Variants in MTMR14 observed in about 807,000 individuals in gnomAD.
The protein encoded by MTMR14 is phosphatidylinositol-3,5-bisphosphate 3-phosphatase MTMR14.
In MTMR14, 48 loss-of-function variants were observed where a neutral mutation model predicts 86.3. The observed-to-expected ratio is 0.56, with a 90% confidence interval of 0.44 to 0.71. MTMR14 has a LOEUF of 0.71. MTMR14 is among the 30% of genes least tolerant of loss of function. The probability of loss-of-function intolerance (pLI) is 0.00; values close to 1 mark genes in which losing one functional copy is unlikely to be tolerated. For missense variants in MTMR14, 780 were observed against 834.6 expected (o/e 0.93, Z 0.81); for synonymous variants, 366 against 326.1 (o/e 1.12, Z -1.32).
At chr3:9,652,348 T>C (rs2047350043) in intron 1 of MTMR14, among the ~76,000 whole-genome samples, 1 of 152,190 alleles carries the variant, frequency 6.6e-6, no homozygotes, top group Admixed American at 6.5e-5. Flanking sequence ...AAATAAGTAA[T>C]TTTAGGGGGA....
rs1344626459 is a variant in MTMR14, at chr3:9,701,510, A to T, written c.1770-280A>T. 2.1e-6 allele frequency: 1 copy of T among 479,532 alleles called. No homozygotes were observed. Among genetic ancestry groups the T allele is most frequent in the Non-Finnish European group, 3.8e-6 (1 of 263,002 alleles). 29.7% of individuals were successfully genotyped at this position (479,532 alleles called of 1,614,324 possible). On this transcript the variant is annotated intron_variant, in intron 18 of 18. Coordinates refer to ENST00000296003, the MANE Select transcript of MTMR14 (RefSeq NM_001077525.3). This position sits in a 1 kb window ranked among gnomAD's most constrained non-coding sequence, Gnocchi z 4.2. ...GCATTCCAGCCTGGGCAATAGAGTG[A>T]GACCTTGTCTCAAGAAAAAAAAAAA...
At chr3:9,650,166 G>A (rs1336308591) in intron 1 of MTMR14, among the ~76,000 whole-genome samples, 2 of 152,144 alleles carry the variant, frequency 1.3e-5, no homozygotes, top group Non-Finnish European at 2.9e-5. Flanking sequence ...GGAGCCAGGA[G>A]GTGAACCCAG....
chr3:9,653,221 C>T (rs1385495442), intron 1 of MTMR14, among the ~76,000 whole-genome samples: 1 of 152,142 alleles, frequency 6.6e-6, no homozygotes, highest in Non-Finnish European at 1.5e-5. Flanking sequence ...GGCGACAGAG[C>T]GAGACTCCGT....
intron 18 of MTMR14, among the ~76,000 whole-genome samples, chr3:9,698,861 G>A (rs1484868036): frequency 2.0e-5 from 3 of 151,702 alleles, no homozygotes; most frequent in East Asian, 3.9e-4. Flanking sequence ...TTAGATGTTC[G>A]AAGGCTTAAA....
chr3:9,649,512 A>G lies in MTMR14; in HGVS notation c.-72A>G, dbSNP rs1403762153. The G allele has an allele frequency of 8.8e-6, 13 of 1,481,764 alleles. No homozygotes were observed. The highest frequency in any genetic ancestry group is 4.8e-5 in the Admixed American group (2 of 41,570). 91.8% of individuals were successfully genotyped at this position (1,481,764 alleles called of 1,614,324 possible). On this transcript the variant is annotated 5_prime_UTR_variant, in exon 1 of 19. Transcript: ENST00000296003. ...TGGCTGAGGCGGTTCCGGAGGTTCT[A>G]GTGTCGGAGTTGGGTGCAGGCAGGT... is the stretch of plus-strand genomic sequence containing the variant.
At chr3:9,679,696 T>G (rs2075696528) in intron 9 of MTMR14, among the ~76,000 whole-genome samples, 1 of 152,208 alleles carries the variant, frequency 6.6e-6, no homozygotes, top group Admixed American at 6.5e-5. Flanking sequence ...GTGTTGGCAG[T>G]ACCTATTTCA....
chr3:9,671,611 A>G (rs944926778), intron 6 of MTMR14, among the ~76,000 whole-genome samples: 3 of 152,284 alleles, frequency 2.0e-5, no homozygotes, highest in South Asian at 2.1e-4. Context: ...TCAGCTTCCC[A>G]AAGTGCTGGG....
chr3:9,673,283 G>T (rs907494017), intron 7 of MTMR14, among the ~76,000 whole-genome samples: 2 of 152,230 alleles, frequency 1.3e-5, no homozygotes, highest in African/African-American at 4.8e-5. Context: ...TATGTTCCCA[G>T]TAACTGGACA....
In MTMR14 at chr3:9,677,420, A is replaced by G. The variant is rs768218192; in HGVS notation, c.822+33A>G. On this transcript the variant is annotated intron_variant, in intron 8 of 18. Coordinates refer to ENST00000296003, the MANE Select transcript of MTMR14 (RefSeq NM_001077525.3). This position sits in a 1 kb window ranked among gnomAD's most constrained non-coding sequence, Gnocchi z 4.2. ...CAATAACATACATCAAATTGGATCT[A>G]TGTCTCTTTGTAAAGGGAGGCCAAG... The G allele has an allele frequency of 5.0e-6, 8 of 1,593,470 alleles. No individual in the cohort carries two copies. Among genetic ancestry groups the G allele is most frequent in the African/African-American group, 1.3e-5 (1 of 74,612 alleles).
chr3:9,700,116 A>T (rs940614502), intron 18 of MTMR14: 1 of 152,124 alleles, frequency 6.6e-6, no homozygotes, highest in Non-Finnish European at 1.5e-5. Flanking sequence ...ATCTCCCCCC[A>T]TACTTACCTC....
At chr3:9,669,547 C>T (rs2048459103) in intron 5 of MTMR14, 55 bp downstream of exon 5, 2 of 1,560,822 alleles carry the variant, frequency 1.3e-6, no homozygotes, top group Non-Finnish European at 8.8e-7. Flanking sequence ...GGTGTCTGGC[C>T]AGAGATGGCC....
chr3:9,657,158 C>CT (rs924514133), intron 2 of MTMR14, among the ~76,000 whole-genome samples: 1 of 152,060 alleles, frequency 6.6e-6, no homozygotes, highest in African/African-American at 2.4e-5. Flanking sequence ...ATTTCCTCAC[C>CT]TCGGCCTTTC....
chr3:9,680,612 A>G (rs1054263852), intron 9 of MTMR14, among the ~76,000 whole-genome samples: 3 of 152,180 alleles, frequency 2.0e-5, no homozygotes, highest in African/African-American at 2.4e-5. Context: ...TTAGGAGGCC[A>G]AGGCGGGCAG....
intron 1 of MTMR14, among the ~76,000 whole-genome samples, chr3:9,651,454 T>G (rs1245618335): frequency 6.6e-6 from 1 of 152,112 alleles, no homozygotes; most frequent in African/African-American, 2.4e-5. Flanking sequence ...GGACCCCTCT[T>G]CCAACTTACA....
chr3:9,650,337 C>T (rs1370179812), intron 1 of MTMR14: 5 of 456,566 alleles, frequency 1.1e-5, no homozygotes, highest in African/African-American at 4.0e-5. Context: ...GTCGTCTTAT[C>T]GCCAGACCTG....
intron 14 of MTMR14, among the ~76,000 whole-genome samples, chr3:9,688,132 T>C (rs2076021671): frequency 6.6e-6 from 1 of 152,176 alleles, no homozygotes; most frequent in African/African-American, 2.4e-5. Context: ...GCAGACAGGC[T>C]TTGGGACAGA....
At position 9,697,840 on chromosome 3, in the gene MTMR14, C is replaced by T. The variant is rs756609514; in HGVS notation, c.1743C>T (p.Phe581=). 2 of 1,614,232 alleles carry T rather than the reference C, an allele frequency of 1.2e-6. No homozygotes were observed. Among genetic ancestry groups the T allele is most frequent in the Admixed American group, 1.7e-5 (1 of 60,034 alleles). The change falls in exon 18 of 19, where the codon TTC becomes TTT. Residue 581 remains phenylalanine (F), a synonymous_variant. Transcript: ENST00000296003. ...LHTDSSLPFS[F]PDELPNSCLL... The stretch of plus-strand genomic sequence containing the variant: ...CAGACTCCTCTCTCCCTTTCAGCTT[C>T]CCGGATGAGCTCCCTAACAGTTGTC...
intron 3 of MTMR14, among the ~76,000 whole-genome samples, chr3:9,666,176 C>T (rs1335745346): frequency 6.8e-6 from 1 of 147,738 alleles, no homozygotes; most frequent in East Asian, 1.9e-4. Flanking sequence ...CTCCGTTGCC[C>T]AAGCTGGAGT....
chr3:9,696,652 A>G (rs1244699282), intron 17 of MTMR14, among the ~76,000 whole-genome samples: 3 of 152,156 alleles, frequency 2.0e-5, no homozygotes, highest in Non-Finnish European at 4.4e-5. Flanking sequence ...GCTTGGGGAT[A>G]AGACTAGCAC....
Sources: allele counts gnomAD v4.1 joint callset (sites outside exome capture counted in the v4.1 genomes callset), GRCh38; gene constraint gnomAD v4.1.1; non-coding constraint Gnocchi (gnomAD v3.1); transcripts MANE v1.5; gene names NCBI Gene and HGNC (gene_info 2026-07-23, HGNC 2026-07-21).